The following SETD5 variants were observed in gnomAD, a reference collection of about 807,000 sequenced individuals.
SETD5 encodes histone-lysine N-methyltransferase SETD5.
In SETD5, 44 loss-of-function variants were observed where a neutral mutation model predicts 153.3. The ratio of observed to expected loss-of-function variants is 0.29; its 90% CI spans 0.23 to 0.37. The LOEUF (loss-of-function observed/expected upper bound fraction) is 0.37. Ranked by LOEUF, SETD5 falls within the 10% of genes least tolerant of loss-of-function variation. The probability of loss-of-function intolerance (pLI) is 1.00; values close to 1 mark genes in which losing one functional copy is unlikely to be tolerated. For synonymous variants in SETD5, 716 were observed against 645.2 expected, an observed-to-expected ratio of 1.11 and a Z score of -1.66; for missense variants, 1,544 against 1,768.0, an observed-to-expected ratio of 0.87 and a Z score of 2.27.
At chr3:9,452,349 A>G (rs573062953) in intron 16 of SETD5, among the ~76,000 whole-genome samples, 2 of 152,368 alleles carry the variant, frequency 1.3e-5, no homozygotes, top group Non-Finnish European at 2.9e-5. Flanking sequence ...TTCCATTTAT[A>G]AAATGAGTGC....
At chr3:9,433,985 T>C in intron 4 of SETD5, 35 bp downstream of exon 4, 1 of 1,611,716 alleles carries the variant, frequency 6.2e-7, no homozygotes. Flanking sequence ...AGAACAGTGA[T>C]CTTCCTGGAG....
intron 1 of SETD5, 71 bp from the exon 2 acceptor site, chr3:9,424,396 G>C (rs1399927170): frequency 6.6e-6 from 1 of 152,170 alleles, no homozygotes; most frequent in South Asian, 2.1e-4. Flanking sequence ...TAATATAGCT[G>C]TAGAATTCCA....
chr3:9,464,970 T>C (rs1052775271), intron 18 of SETD5: 18 of 418,238 alleles, frequency 4.3e-5, no homozygotes, highest in East Asian at 2.5e-4. Flanking sequence ...TCCATCGTTA[T>C]CTTTACTGTA....
chr3:9,433,802 T>C, intron 3 of SETD5, 43 bp from the exon 4 acceptor site: 1 of 1,571,758 alleles, frequency 6.4e-7, no homozygotes, highest in South Asian at 1.1e-5. Context: ...TAAGGGAAGA[T>C]TAGGTGTTAT....
chr3:9,450,868 C>T (rs2042545823), intron 16 of SETD5, among the ~76,000 whole-genome samples: 2 of 152,072 alleles, frequency 1.3e-5, no homozygotes, highest in Non-Finnish European at 1.5e-5. Flanking sequence ...GATTCTTATG[C>T]TATTTATTTT....
chr3:9,471,137 T>C (rs2045257327), intron 19 of SETD5, among the ~76,000 whole-genome samples: 1 of 152,234 alleles, frequency 6.6e-6, no homozygotes, highest in South Asian at 2.1e-4. Flanking sequence ...GTATGTGCCA[T>C]ATACTTGCTA....
At chr3:9,440,748 C>A (rs757168400) in intron 8 of SETD5, 50 bp downstream of exon 8, 3 of 1,573,074 alleles carry the variant, frequency 1.9e-6, no homozygotes, top group African/African-American at 1.4e-5. Context: ...ATTTTAAGAA[C>A]CCAGGAAGAG....
intron 16 of SETD5, among the ~76,000 whole-genome samples, chr3:9,450,838 T>C (rs2042543093): frequency 6.6e-6 from 1 of 152,220 alleles, no homozygotes; most frequent in South Asian, 2.1e-4. Context: ...ATTAAAGTTG[T>C]ATCTGTATAG....
chr3:9,476,522 C>A lies in SETD5; in HGVS notation c.*431C>A, dbSNP rs1420137656. On this transcript the variant is annotated 3_prime_UTR_variant, in exon 23 of 23. Transcript: ENST00000402198. ...GTTAAAAGAGCCAATCTCAAAGCCC[C>A]AAGCCATCTGAGTACTGTTAGGGTT... 6.2e-6 allele frequency: 1 copy of A among 160,828 alleles called. No homozygotes were observed. Among genetic ancestry groups the A allele is most frequent in the Non-Finnish European group, 1.4e-5 (1 of 72,812 alleles). 10.0% of individuals were successfully genotyped at this position (160,828 alleles called of 1,614,324 possible). A position where few individuals can be genotyped will look rare whatever the true frequency, so the allele number is the denominator to read the frequency against.
chr3:9,445,677 A>C lies in SETD5; in HGVS notation c.1461A>C (p.Glu487Asp). The change falls in exon 13 of 23, where the codon GAA becomes GAC. Residue 487 changes from glutamate (E) to aspartate (D), a missense_variant. By Grantham distance (45) the Glu-to-Asp change is conservative. Transcript: ENST00000402198. ...TAAAGGAAGTAGACAATCCAGAAGAAAAACCAGAAGAAGAGAAAGAAGAGG... is the reference window on the plus strand; with the variant it reads ...TAAAGGAAGTAGACAATCCAGAAGACAAACCAGAAGAAGAGAAAGAAGAGG... ...SDHEEVDNPEEKPEEEKEEVI... is the reference protein window; with the variant it reads ...SDHEEVDNPEDKPEEEKEEVI... 6.2e-7 allele frequency: 1 copy of C among 1,613,732 alleles called. No homozygotes were observed. Among genetic ancestry groups the C allele is most frequent in the Non-Finnish European group, 8.5e-7 (1 of 1,179,748 alleles).
intron 7 of SETD5, among the ~76,000 whole-genome samples, chr3:9,440,168 C>T (rs1268091264): frequency 6.6e-6 from 1 of 152,084 alleles, no homozygotes; most frequent in African/African-American, 2.4e-5. Context: ...TTAAAATGGT[C>T]ATAAAATCAC....
chr3:9,399,488 T>C (rs942267928), intron 1 of SETD5, among the ~76,000 whole-genome samples: 2 of 152,050 alleles, frequency 1.3e-5, no homozygotes, highest in African/African-American at 4.8e-5. Flanking sequence ...TTCTCTTCTG[T>C]AGCCAAAAAT....
rs1409061273 is a variant in SETD5 at position 9,403,394 on chromosome 3, A to G, written c.-177+5417A>G. Among the ~76,000 whole-genome samples the G allele has an allele frequency of 3.9e-5, 6 of 152,210 alleles. No individual in the cohort carries two copies. In the East Asian group the frequency reaches 9.6e-4, roughly 24 times the overall value. ...ATTAAGAAATGGAAAAGAATACTCT[A>G]TCTGAATAAAAACACATTGTAATAC... On this transcript the variant is annotated intron_variant, in intron 1 of 22. Transcript: ENST00000402198.
chr3:9,400,784 C>A (rs1015480737), intron 1 of SETD5, among the ~76,000 whole-genome samples: 1 of 152,168 alleles, frequency 6.6e-6, no homozygotes, highest in Non-Finnish European at 1.5e-5. Context: ...AAGTCTAGTT[C>A]AGGATACTGA....
chr3:9,434,766 G>A lies in SETD5; in HGVS notation c.330-58G>A. The A allele has an allele frequency of 3.2e-6, 5 of 1,568,424 alleles. No homozygotes were observed. In the South Asian group the frequency reaches 5.9e-5, roughly 19 times the overall value. Reference sequence around the variant, plus strand: ...ATGCAGAGACACTTCGCCCATGTGTGCTATGATGTGATGCATGCTGTTGGA... The same window carrying A: ...ATGCAGAGACACTTCGCCCATGTGTACTATGATGTGATGCATGCTGTTGGA... On this transcript the variant is annotated intron_variant, in intron 5 of 22. Transcript: ENST00000402198. This position sits in a 1 kb window ranked among gnomAD's most constrained non-coding sequence, Gnocchi z 5.6.
intron 16 of SETD5, 78 bp downstream of exon 16, chr3:9,448,708 A>G: frequency 2.2e-6 from 3 of 1,360,562 alleles, no homozygotes; most frequent in South Asian, 3.2e-5. Flanking sequence ...TCCTATCATC[A>G]TGACATAAAT....
intron 18 of SETD5, 35 bp from the exon 19 acceptor site, chr3:9,470,424 C>A: frequency 6.4e-7 from 1 of 1,550,600 alleles, no homozygotes; most frequent in South Asian, 1.2e-5. Context: ...CCTTTCTCCC[C>A]TACCCCATGT....
rs533653546 is a variant in SETD5, at chr3:9,421,782, A to T, written c.-176-2685A>T. Among the ~76,000 whole-genome samples the T allele has an allele frequency of 2.0e-5, 3 of 152,208 alleles. No individual in the cohort carries two copies. In the East Asian group the frequency reaches 5.8e-4, roughly 29 times the overall value. On this transcript the variant is annotated intron_variant, in intron 1 of 22. Transcript: ENST00000402198. ...CTTCCTGAGTTAAATTTATTCATTT[A>T]TTGACCTATTAAAGATTTTTTTAGT...
intron 7 of SETD5, among the ~76,000 whole-genome samples, chr3:9,438,207 G>T (rs907419330): frequency 6.6e-6 from 1 of 152,168 alleles, no homozygotes; most frequent in Non-Finnish European, 1.5e-5. Flanking sequence ...AGAGGCCTGG[G>T]ATGTGTCTTG....
Sources: gnomAD v4.1 joint callset for allele counts (sites outside exome capture counted in the v4.1 genomes callset) on GRCh38, gnomAD v4.1.1 for gene constraint, Gnocchi (gnomAD v3.1) non-coding constraint, MANE v1.5 for transcripts, NCBI Gene and HGNC (gene_info 2026-07-23, HGNC 2026-07-21) for gene names.